The following IQCM variants were observed in gnomAD, a reference collection of about 807,000 sequenced individuals.
IQCM encodes the protein IQ motif containing M, also known as IQ domain-containing protein M.
A neutral mutation model predicts 57.6 loss-of-function variants in IQCM; 45 were observed. The ratio of observed to expected loss-of-function variants is 0.78; its 90% CI spans 0.62 to 1.00. The LOEUF is 1.00. Among genes scored for constraint, IQCM ranks in the 50% least tolerant of loss-of-function variants. The pLI, the probability that IQCM is intolerant of heterozygous loss-of-function variation, is 0.00. For synonymous variants in IQCM, 148 were observed against 158.9 expected (o/e 0.93, Z 0.51); for missense variants, 468 against 511.6 (o/e 0.91, Z 0.82).
chr4:149,533,511 C>T (rs535395324), intron 12 of IQCM, among the ~76,000 whole-genome samples: 13 of 152,152 alleles, frequency 8.5e-5, no homozygotes, highest in African/African-American at 2.2e-4. Flanking sequence ...ACTGTTCTCA[C>T]GCTGCTGACA....
chr4:149,642,978 A>T (rs1758327891), intron 7 of IQCM, among the ~76,000 whole-genome samples: 1 of 152,184 alleles, frequency 6.6e-6, no homozygotes, highest in South Asian at 2.1e-4. Context: ...TTCAATAAGA[A>T]TCAGTAGCCT....
chr4:149,445,993 A>AT (rs1463522252), intron 12 of IQCM, among the ~76,000 whole-genome samples: 1 of 151,702 alleles, frequency 6.6e-6, no homozygotes, highest in Non-Finnish European at 1.5e-5. Flanking sequence ...CTACTTCTCA[A>AT]TTGTGTAGCA....
chr4:149,714,652 T>C (rs569732991), intron 5 of IQCM, among the ~76,000 whole-genome samples: 261 of 152,318 alleles, frequency 1.7e-3, no homozygotes, highest in African/African-American at 5.1e-3. Flanking sequence ...ATAAAATTTA[T>C]TTACACATTA....
At chr4:149,696,987 T>A (rs1261000546) in intron 5 of IQCM, among the ~76,000 whole-genome samples, 1 of 152,116 alleles carries the variant, frequency 6.6e-6, no homozygotes, top group Admixed American at 6.6e-5. Context: ...CATTATCTCT[T>A]TCCTAGATTG....
Position 149,735,945 on chromosome 4 carries a change from G to C in IQCM, c.38-487C>G, listed in dbSNP as rs575763964. ...TTTTCTAAGTTTCTTAATTTCTTTC[G>C]ACTTTTTTTTTTTTTTTTGTGAGAC... On this transcript the variant is annotated intron_variant, in intron 3 of 13. Coordinates refer to ENST00000636793, the MANE Select transcript of IQCM (RefSeq NM_001363507.2). 1.7e-3 allele frequency among the ~76,000 whole-genome samples: 248 copies of C among 149,128 alleles called. 1 individual carries two copies. The highest frequency in any genetic ancestry group is 5.7e-3 in the African/African-American group (231 of 40,470).
intron 13 of IQCM, among the ~76,000 whole-genome samples, chr4:149,368,603 T>A (rs1029292395): frequency 6.6e-6 from 1 of 151,352 alleles, no homozygotes; most frequent in Non-Finnish European, 1.5e-5. Flanking sequence ...ACATGAGAGA[T>A]GAAAATACAA....
chr4:149,546,550 A>T (rs1030580088), intron 12 of IQCM, among the ~76,000 whole-genome samples: 39 of 152,096 alleles, frequency 2.6e-4, no homozygotes, highest in Non-Finnish European at 3.2e-4. Flanking sequence ...TGGTTTTGAT[A>T]TGCATTTCTC....
At chr4:149,758,134 C>A (rs1170261880) in intron 2 of IQCM, among the ~76,000 whole-genome samples, 1 of 151,954 alleles carries the variant, frequency 6.6e-6, no homozygotes, top group East Asian at 1.9e-4. Context: ...AGTCAGCTGA[C>A]CTTTGACAAA....
intron 7 of IQCM, among the ~76,000 whole-genome samples, chr4:149,646,300 A>C (rs919942251): frequency 5.9e-5 from 9 of 152,162 alleles, no homozygotes; most frequent in Non-Finnish European, 1.3e-4. Context: ...TCTGAAATAT[A>C]AACTTTTAAT....
intron 8 of IQCM, among the ~76,000 whole-genome samples, chr4:149,588,419 T>C (rs1752833224): frequency 6.6e-6 from 1 of 151,848 alleles, no homozygotes; most frequent in Non-Finnish European, 1.5e-5. Context: ...TGATAATTTG[T>C]GATATTTGAA....
chr4:149,755,180 T>C (rs1263828438), intron 2 of IQCM, among the ~76,000 whole-genome samples: 1 of 152,198 alleles, frequency 6.6e-6, no homozygotes, highest in Non-Finnish European at 1.5e-5. Context: ...GCCTCCTAAG[T>C]GGCCTAGTTC....
At chr4:149,772,993 T>C (rs1179588190) in intron 2 of IQCM, among the ~76,000 whole-genome samples, 8 of 152,158 alleles carry the variant, frequency 5.3e-5, no homozygotes, top group Admixed American at 3.9e-4. Context: ...GGGAAAAAAT[T>C]TAAGTGGACA....
At chr4:149,650,004 A>G (rs1235210878) in intron 7 of IQCM, among the ~76,000 whole-genome samples, 1 of 152,172 alleles carries the variant, frequency 6.6e-6, no homozygotes, top group African/African-American at 2.4e-5. Flanking sequence ...ACTATGAATG[A>G]GTTAAAACAA....
chr4:149,529,867 T>A (rs973426901), intron 12 of IQCM, among the ~76,000 whole-genome samples: 6 of 152,170 alleles, frequency 3.9e-5, no homozygotes, highest in Non-Finnish European at 8.8e-5. Flanking sequence ...GAAGTCTCCA[T>A]CATATTTACA....
At chr4:149,572,725 C>T (rs1004054068) in intron 9 of IQCM, among the ~76,000 whole-genome samples, 3 of 151,678 alleles carry the variant, frequency 2.0e-5, no homozygotes, top group African/African-American at 4.8e-5. Flanking sequence ...AAAACACACA[C>T]CTGGCAAAAA....
At position 149,426,041 on chromosome 4, in the gene IQCM, G is replaced by C. The variant is rs947695527; in HGVS notation, c.1390+7355C>G. 2.6e-5 allele frequency among the ~76,000 whole-genome samples: 4 copies of C among 151,906 alleles called. No homozygotes were observed. The South Asian group carries it at 8.3e-4, about 32-fold the overall frequency. ...TGTTTTTCTTTATGCCCTGTTTCTTGAGTGTAACATTTCCCCACACTCCTA... is the reference window on the plus strand; with the variant it reads ...TGTTTTTCTTTATGCCCTGTTTCTTCAGTGTAACATTTCCCCACACTCCTA... On this transcript the variant is annotated intron_variant, in intron 13 of 13. Transcript: ENST00000636793.
chr4:149,654,150 G>A (rs1194666470), intron 7 of IQCM, among the ~76,000 whole-genome samples: 2 of 152,192 alleles, frequency 1.3e-5, no homozygotes, highest in Non-Finnish European at 2.9e-5. Context: ...CCATCAGCTA[G>A]TAAGTGGATA....
In IQCM at chr4:149,368,829, CATGTATATATATACATATATATACAT is replaced by C. The variant is rs1560779062; in HGVS notation, c.1391-16789_1391-16764del. On this transcript the variant is annotated intron_variant, in intron 13 of 13. Transcript: ENST00000636793. ...ACATGTATATATATACATATATATACATGTATATATATACATATATATACATGTATATATATACATATATACACGTG... is the reference window on the plus strand; with the variant it reads ...ACATGTATATATATACATATATATACGTATATATATACATATATACACGTG... Among the ~76,000 whole-genome samples, 18 of 68,958 alleles carry C rather than the reference CATGTATATATATACATATATATACAT, an allele frequency of 2.6e-4. 3 individuals carry two copies. In the East Asian group the frequency reaches 5.3e-3, roughly 20 times the overall value. 45.2% of individuals were successfully genotyped at this position (68,958 alleles called of 152,430 possible). A position where few individuals can be genotyped will look rare whatever the true frequency, so the allele number is the denominator to read the frequency against.
At chr4:149,442,111 T>C (rs1426347906) in intron 12 of IQCM, among the ~76,000 whole-genome samples, 2 of 152,160 alleles carry the variant, frequency 1.3e-5, no homozygotes, top group Non-Finnish European at 2.9e-5. Flanking sequence ...ACTATCCTCA[T>C]TTCTAGCTGC....
Sources: gnomAD v4.1 joint callset for allele counts (sites outside exome capture counted in the v4.1 genomes callset) on GRCh38, gnomAD v4.1.1 for gene constraint, MANE v1.5 for transcripts, NCBI Gene and HGNC (gene_info 2026-07-23, HGNC 2026-07-21) for gene names.